HS3ST3A1: variants seen among roughly 807,000 people sequenced by gnomAD.
The protein encoded by HS3ST3A1 is heparan sulfate glucosamine 3-O-sulfotransferase 3A1.
HS3ST3A1 carries 19 observed loss-of-function variants against 25.7 expected under a neutral mutation model. That is an observed-to-expected ratio of 0.74 (90% CI 0.52 to 1.08). The LOEUF (loss-of-function observed/expected upper bound fraction) is 1.08. Among genes scored for constraint, HS3ST3A1 ranks in the 50% least tolerant of loss-of-function variants. The pLI is 0.00. For missense variants in HS3ST3A1, 459 were observed against 594.3 expected (o/e 0.77, Z 2.37); for synonymous variants, 226 against 278.6 (o/e 0.81, Z 1.88).
At chr17:13,554,126 G>C (rs924175528) in intron 1 of HS3ST3A1, among the ~76,000 whole-genome samples, 1 of 152,174 alleles carries the variant, frequency 6.6e-6, no homozygotes, top group Non-Finnish European at 1.5e-5. Context: ...AAAACTTCCT[G>C]CCTCATAAGC....
chr17:13,506,856 A>G lies in HS3ST3A1; in HGVS notation c.600-10038T>C, dbSNP rs1476481194. Among the ~76,000 whole-genome samples the G allele has an allele frequency of 2.6e-5, 4 of 151,090 alleles. No individual in the cohort carries two copies. In the East Asian group the frequency reaches 7.9e-4, roughly 30 times the overall value. On this transcript the variant is annotated intron_variant, in intron 1 of 1. Coordinates refer to ENST00000284110, the MANE Select transcript of HS3ST3A1 (RefSeq NM_006042.3). Reference sequence around the variant, plus strand: ...TGGATCGCCTGAGCTCAGGAGTTCGAGGCCAGCCTGGGCAACATGCTGTAA... The same window carrying G: ...TGGATCGCCTGAGCTCAGGAGTTCGGGGCCAGCCTGGGCAACATGCTGTAA...
At chr17:13,518,289 T>A (rs1465150829) in intron 1 of HS3ST3A1, among the ~76,000 whole-genome samples, 1 of 152,130 alleles carries the variant, frequency 6.6e-6, no homozygotes, top group Non-Finnish European at 1.5e-5. Context: ...TGCTGAAAAA[T>A]CTCTAATTTA....
At chr17:13,500,759 A>G (rs1455367760) in intron 1 of HS3ST3A1, among the ~76,000 whole-genome samples, 1 of 152,242 alleles carries the variant, frequency 6.6e-6, no homozygotes, top group East Asian at 1.9e-4. Context: ...GGCAAAGATA[A>G]GCAGAAATTT....
chr17:13,505,659 C>T (rs371346506), intron 1 of HS3ST3A1, among the ~76,000 whole-genome samples: 3 of 150,792 alleles, frequency 2.0e-5, no homozygotes, highest in Non-Finnish European at 3.0e-5. Flanking sequence ...AAAAAAAAGG[C>T]GGAAAAGAAT....
At position 13,517,926 on chromosome 17, in the gene HS3ST3A1, G is replaced by C. The variant is rs928301133; in HGVS notation, c.600-21108C>G. 4.7e-4 allele frequency among the ~76,000 whole-genome samples: 72 copies of C among 152,346 alleles called. 1 individual carries two copies. Among genetic ancestry groups the C allele is most frequent in the Non-Finnish European group, 7.8e-4 (53 of 68,034 alleles). On this transcript the variant is annotated intron_variant, in intron 1 of 1. Transcript: ENST00000284110. ...CCCAAAGTGTTGGGATTACAGGCAT[G>C]AGTCACTGTGCCTGGCCGTAAATTT...
intron 1 of HS3ST3A1, among the ~76,000 whole-genome samples, chr17:13,526,079 C>G (rs1906405524): frequency 6.6e-6 from 1 of 151,904 alleles, no homozygotes; most frequent in Non-Finnish European, 1.5e-5. Context: ...CTGAATCCTG[C>G]TTGTTCAGTC....
intron 1 of HS3ST3A1, among the ~76,000 whole-genome samples, chr17:13,512,013 T>C (rs1905877687): frequency 6.6e-6 from 1 of 152,198 alleles, no homozygotes; most frequent in South Asian, 2.1e-4. Flanking sequence ...AAAAATCCTT[T>C]AGATCAGAGG....
intron 1 of HS3ST3A1, among the ~76,000 whole-genome samples, chr17:13,570,261 AT>A (rs767317495): frequency 1.3e-5 from 2 of 152,170 alleles, no homozygotes; most frequent in African/African-American, 2.4e-5. Context: ...TGCTATTTCA[AT>A]CTCTGTCTCA....
intron 1 of HS3ST3A1, among the ~76,000 whole-genome samples, chr17:13,541,672 G>A (rs1278152573): frequency 6.6e-6 from 1 of 152,112 alleles, no homozygotes; most frequent in Non-Finnish European, 1.5e-5. Flanking sequence ...CATACCCTTT[G>A]CCTTAGTTTT....
chr17:13,531,922 C>T (rs1217882749), intron 1 of HS3ST3A1, among the ~76,000 whole-genome samples: 1 of 152,096 alleles, frequency 6.6e-6, no homozygotes, highest in African/African-American at 2.4e-5. Context: ...TCAGCATTTA[C>T]TAATTGTCTG....
chr17:13,592,189 C>T (rs1206760903), intron 1 of HS3ST3A1, among the ~76,000 whole-genome samples: 1 of 152,170 alleles, frequency 6.6e-6, no homozygotes, highest in South Asian at 2.1e-4. Flanking sequence ...CTGGGTTTGG[C>T]AGTAGTTCTA....
chr17:13,510,145 A>T (rs765901230), intron 1 of HS3ST3A1, among the ~76,000 whole-genome samples: 1 of 152,248 alleles, frequency 6.6e-6, no homozygotes, highest in African/African-American at 2.4e-5. Context: ...GGCCAAGGGC[A>T]GGCCCCTCTC....
At chr17:13,583,095 C>T (rs1025421675) in intron 1 of HS3ST3A1, among the ~76,000 whole-genome samples, 9 of 152,236 alleles carry the variant, frequency 5.9e-5, no homozygotes, top group East Asian at 1.9e-4. Flanking sequence ...AGGCATGAGA[C>T]GCGGGAGACG....
intron 1 of HS3ST3A1, among the ~76,000 whole-genome samples, chr17:13,595,440 A>G: frequency 6.6e-6 from 1 of 152,240 alleles, no homozygotes; most frequent in Non-Finnish European, 1.5e-5. Context: ...CACTATATAA[A>G]TATCCCCCAG....
intron 1 of HS3ST3A1, among the ~76,000 whole-genome samples, chr17:13,547,370 A>G (rs1907119530): frequency 1.3e-5 from 2 of 152,226 alleles, no homozygotes; most frequent in South Asian, 4.1e-4. Flanking sequence ...AGAAAGACCA[A>G]CGCACCATTA....
intron 1 of HS3ST3A1, among the ~76,000 whole-genome samples, chr17:13,580,723 C>T (rs1224049922): frequency 6.6e-6 from 1 of 152,012 alleles, no homozygotes; most frequent in Non-Finnish European, 1.5e-5. Context: ...GAAACTCCAT[C>T]TCTACTAAAA....
intron 1 of HS3ST3A1, among the ~76,000 whole-genome samples, chr17:13,596,163 G>A (rs1466155328): frequency 2.6e-5 from 4 of 152,088 alleles, no homozygotes; most frequent in African/African-American, 4.8e-5. Context: ...GTATAAGAGC[G>A]TATTATAAAT....
intron 1 of HS3ST3A1, among the ~76,000 whole-genome samples, chr17:13,539,195 C>T (rs1358044867): frequency 6.6e-6 from 1 of 152,190 alleles, no homozygotes; most frequent in East Asian, 1.9e-4. Flanking sequence ...GCTGTCAGGG[C>T]TCTAAGTGGC....
intron 1 of HS3ST3A1, among the ~76,000 whole-genome samples, chr17:13,581,917 G>A (rs1484595281): frequency 2.0e-5 from 3 of 152,120 alleles, no homozygotes; most frequent in Non-Finnish European, 4.4e-5. Flanking sequence ...TTTAACTACT[G>A]TCTGGGCATT....
Sources: allele counts gnomAD v4.1 joint callset (sites outside exome capture counted in the v4.1 genomes callset), GRCh38; gene constraint gnomAD v4.1.1; transcripts MANE v1.5; gene names NCBI Gene and HGNC (gene_info 2026-07-23, HGNC 2026-07-21).